SLC13A1: variants seen among roughly 807,000 people sequenced by gnomAD.
SLC13A1 encodes Na(+)/sulfate cotransporter.
SLC13A1 carries 65 observed loss-of-function variants against 70.0 expected under a neutral mutation model. The ratio of observed to expected loss-of-function variants is 0.93; its 90% confidence interval spans 0.76 to 1.14. The LOEUF is 1.14. Ranked by LOEUF, SLC13A1 falls within the 50% of genes most tolerant of loss-of-function variation. SLC13A1 has a pLI of 0.00. For synonymous variants in SLC13A1, 275 were observed against 250.5 expected (o/e 1.10, Z -0.92); for missense variants, 726 against 717.8 (o/e 1.01, Z -0.13).
chr7:123,120,357 G>T (rs140750732), intron 12 of SLC13A1, among the ~76,000 whole-genome samples: 4 of 151,926 alleles, frequency 2.6e-5, no homozygotes, highest in African/African-American at 9.7e-5. Context: ...TAGAATTCTA[G>T]GTTCAAAATA....
At chr7:123,189,551 A>G (rs552236146) in intron 1 of SLC13A1, among the ~76,000 whole-genome samples, 58 of 152,212 alleles carry the variant, frequency 3.8e-4, no homozygotes, top group African/African-American at 1.4e-3. Flanking sequence ...TGAATTTTAA[A>G]ATTACTATCT....
At chr7:123,124,902 G>A (rs1336706731) in intron 11 of SLC13A1, among the ~76,000 whole-genome samples, 1 of 152,074 alleles carries the variant, frequency 6.6e-6, no homozygotes, top group South Asian at 2.1e-4. Context: ...GGGCTCAAGT[G>A]ATCCTCCTGC....
intron 6 of SLC13A1, among the ~76,000 whole-genome samples, chr7:123,164,884 A>C (rs912819258): frequency 6.7e-5 from 10 of 149,534 alleles, no homozygotes; most frequent in African/African-American, 1.5e-4. Context: ...CACTCTCCCC[A>C]AAAAAAGAGT....
At position 123,119,180 on chromosome 7, in the gene SLC13A1, C is replaced by T. The variant is rs1437284726; in HGVS notation, c.1413G>A (p.Trp471Ter). Residue 471 changes from tryptophan (W) to a stop codon, truncating the protein, a stop_gained, in exon 13 of 15, where the codon TGG (tryptophan) becomes TGA (stop). Transcript: ENST00000194130. LOFTEE classifies it high-confidence loss of function. ...KLSPLGSLPA[W>*]LIILISSLMV... ...TCAAAGAAGATATCAGAATTATTAG[C>T]CATGCTGGTAATGAACCCAGAGGAG... 8.7e-6 allele frequency: 14 copies of T among 1,612,452 alleles called. No individual in the cohort carries two copies. Among genetic ancestry groups the T allele is most frequent in the Non-Finnish European group, 9.3e-6 (11 of 1,179,096 alleles).
In SLC13A1 at chr7:123,169,163, C is replaced by T. The variant is rs760480966; in HGVS notation, c.538G>A (p.Gly180Arg). ...CATGTGATACCATCAATTTCTAGTC[C>T]GTGGTTGGTTGATCCGTTGAAGTAA... ...MTYFNGSTNH[G>R]LEIDESVNGH... The change falls in exon 4 of 15, where the codon GGA (glycine) becomes AGA (arginine). Residue 180 changes from glycine to arginine, a missense_variant. By Grantham distance (125) the Gly-to-Arg change is moderately radical (BLOSUM62 -2). Coordinates refer to ENST00000194130, the MANE Select transcript of SLC13A1 (RefSeq NM_022444.4). The T allele has an allele frequency of 1.3e-5, 21 of 1,613,800 alleles. No individual in the cohort carries two copies. Among genetic ancestry groups the T allele is most frequent in the South Asian group, 6.6e-5 (6 of 91,080 alleles).
At chr7:123,186,548 G>T in intron 1 of SLC13A1, 1 of 266,996 alleles carries the variant, frequency 3.7e-6, no homozygotes, top group Non-Finnish European at 7.7e-6. Flanking sequence ...CTACTCCTAA[G>T]AAATAAAACC....
chr7:123,130,095 A>G (rs1229958042), intron 8 of SLC13A1, among the ~76,000 whole-genome samples: 1 of 152,140 alleles, frequency 6.6e-6, no homozygotes, highest in Non-Finnish European at 1.5e-5. Flanking sequence ...AAAGTATGCT[A>G]AACTCGAGTT....
Position 123,142,681 on chromosome 7 carries a change from G to T in SLC13A1, c.812+4478C>A, listed in dbSNP as rs12112113. 2.7e-5 allele frequency among the ~76,000 whole-genome samples: 3 copies of T among 109,124 alleles called. No homozygotes were observed. In the Admixed American group the frequency reaches 3.0e-4, roughly 11 times the overall value. The allele number at this position is 109,124 out of a possible 152,430, so 71.6% of individuals were successfully genotyped here. A position where few individuals can be genotyped will look rare whatever the true frequency, so the allele number is the denominator to read the frequency against. ...GATGGAGGCTGGAGTGCAGTAGCGC[G>T]ATCTTGGCTCACCACAACCTCTGCC... On this transcript the variant is annotated intron_variant, in intron 7 of 14. Transcript: ENST00000194130.
intron 3 of SLC13A1, among the ~76,000 whole-genome samples, chr7:123,171,198 A>G (rs906841154): frequency 1.3e-5 from 2 of 152,212 alleles, no homozygotes; most frequent in Non-Finnish European, 2.9e-5. Flanking sequence ...AAACCGAAAT[A>G]GCCAATTAAT....
intron 6 of SLC13A1, chr7:123,149,328 G>A: frequency 2.7e-6 from 1 of 368,484 alleles, no homozygotes; most frequent in Non-Finnish European, 5.3e-6. Context: ...TCAGCCACGA[G>A]TTTTTACTTT....
chr7:123,194,668 A>G (rs1796118156), intron 1 of SLC13A1, among the ~76,000 whole-genome samples: 1 of 152,008 alleles, frequency 6.6e-6, no homozygotes, highest in Non-Finnish European at 1.5e-5. Flanking sequence ...AAGGAAAGAG[A>G]GGAGAAGATG....
intron 1 of SLC13A1, among the ~76,000 whole-genome samples, chr7:123,188,323 A>G (rs1795882788): frequency 6.6e-6 from 1 of 152,110 alleles, no homozygotes; most frequent in Admixed American, 6.6e-5. Context: ...TTCCTTTATA[A>G]ATTACCCAGT....
intron 1 of SLC13A1, among the ~76,000 whole-genome samples, chr7:123,188,562 C>G (rs1490013088): frequency 6.6e-6 from 1 of 151,946 alleles, no homozygotes; most frequent in Non-Finnish European, 1.5e-5. Context: ...AATTGTTTCT[C>G]TTCTGTAAAT....
intron 1 of SLC13A1, among the ~76,000 whole-genome samples, chr7:123,184,693 A>T (rs188467458): frequency 6.6e-6 from 1 of 151,944 alleles, no homozygotes; most frequent in East Asian, 1.9e-4. Context: ...GTGTGTATAC[A>T]TACCATATTT....
intron 8 of SLC13A1, among the ~76,000 whole-genome samples, chr7:123,133,930 C>A (rs909694230): frequency 9.2e-5 from 14 of 152,118 alleles, no homozygotes; most frequent in African/African-American, 3.1e-4. Context: ...CTCCACCCCG[C>A]AAGCTCAAGC....
At chr7:123,137,563 C>A (rs1387196282) in intron 7 of SLC13A1, among the ~76,000 whole-genome samples, 1 of 152,062 alleles carries the variant, frequency 6.6e-6, no homozygotes, top group Non-Finnish European at 1.5e-5. Flanking sequence ...GAGAGTGACC[C>A]CATGCCAACA....
At chr7:123,144,899 T>C (rs1448366056) in intron 7 of SLC13A1, among the ~76,000 whole-genome samples, 1 of 152,138 alleles carries the variant, frequency 6.6e-6, no homozygotes, top group Non-Finnish European at 1.5e-5. Context: ...TTTATAACCT[T>C]GGAACAGATT....
intron 7 of SLC13A1, among the ~76,000 whole-genome samples, chr7:123,140,126 G>A (rs998457776): frequency 6.6e-6 from 1 of 151,728 alleles, no homozygotes; most frequent in Admixed American, 6.6e-5. Flanking sequence ...ATTTTTTGAG[G>A]GTTTTATTGT....
rs1406135810 is a variant in SLC13A1 at position 123,142,969 on chromosome 7, T to C, written c.812+4190A>G. On this transcript the variant is annotated intron_variant, in intron 7 of 14. Coordinates refer to ENST00000194130, the MANE Select transcript of SLC13A1 (RefSeq NM_022444.4). ...ATGCAACCTCCCAGGCTTGGTCTTTTTCTTCAGAACAACAGATTTCATTCT... is the reference window on the plus strand; with the variant it reads ...ATGCAACCTCCCAGGCTTGGTCTTTCTCTTCAGAACAACAGATTTCATTCT... Among the ~76,000 whole-genome samples, 11 of 152,194 alleles carry C rather than the reference T, an allele frequency of 7.2e-5. No individual in the cohort carries two copies. The East Asian group carries it at 2.1e-3, about 30-fold the overall frequency.
Sources: gnomAD v4.1 joint callset for allele counts (sites outside exome capture counted in the v4.1 genomes callset) on GRCh38, gnomAD v4.1.1 for gene constraint, MANE v1.5 for transcripts, NCBI Gene and HGNC (gene_info 2026-07-23, HGNC 2026-07-21) for gene names.